ROBO2: variants seen among roughly 807,000 people sequenced by gnomAD.
The protein encoded by ROBO2 is roundabout guidance receptor 2, also known as roundabout homolog 2.
In ROBO2, 53 loss-of-function variants were observed where a neutral mutation model predicts 160.8. The observed-to-expected ratio is 0.33, with a 90% CI of 0.26 to 0.41. The LOEUF (loss-of-function observed/expected upper bound fraction) is 0.41. Ranked by LOEUF, ROBO2 falls within the 10% of genes least tolerant of loss-of-function variation. ROBO2 has a pLI of 1.00. For missense variants in ROBO2, 1,577 were observed against 1,722.4 expected (o/e 0.92, Z 1.49); for synonymous variants, 664 against 611.7 (o/e 1.09, Z -1.26).
At chr3:76,000,532 A>G (rs1244799598) in intron 2 of ROBO2, among the ~76,000 whole-genome samples, 1 of 139,880 alleles carries the variant, frequency 7.1e-6, no homozygotes, top group Non-Finnish European at 1.5e-5. Flanking sequence ...TCTGTCCCCC[A>G]GGCTGGAGTG....
At chr3:77,350,393 A>G (rs1419303340) in intron 2 of ROBO2, among the ~76,000 whole-genome samples, 2 of 151,984 alleles carry the variant, frequency 1.3e-5, no homozygotes, top group Non-Finnish European at 2.9e-5. Flanking sequence ...TTATGTATCA[A>G]TCTCCCTTAC....
intron 2 of ROBO2, among the ~76,000 whole-genome samples, chr3:76,720,981 C>T (rs375777791): frequency 6.6e-6 from 1 of 152,068 alleles, no homozygotes; most frequent in Admixed American, 6.6e-5. Flanking sequence ...TTTTAGTGCA[C>T]GTATATGATT....
At chr3:77,056,590 G>A (rs570729886) in intron 1 of ROBO2, among the ~76,000 whole-genome samples, 1 of 151,998 alleles carries the variant, frequency 6.6e-6, no homozygotes, top group East Asian at 1.9e-4. Context: ...AGAGAACTGA[G>A]CATTTAGGAA....
At chr3:77,077,023 A>C (rs906932081) in intron 1 of ROBO2, among the ~76,000 whole-genome samples, 2 of 152,220 alleles carry the variant, frequency 1.3e-5, no homozygotes, top group African/African-American at 2.4e-5. Context: ...TCCTGAGCTA[A>C]GTCTTAGGCA....
chr3:77,033,249 C>A (rs572269835), intron 2 of ROBO2, among the ~76,000 whole-genome samples: 46 of 152,304 alleles, frequency 3.0e-4, no homozygotes, highest in African/African-American at 1.1e-3. Flanking sequence ...ATTACCCCTT[C>A]TCTTTGCAGA....
intron 2 of ROBO2, among the ~76,000 whole-genome samples, chr3:76,392,330 T>TG (rs2077194742): frequency 6.6e-6 from 1 of 152,180 alleles, no homozygotes; most frequent in African/African-American, 2.4e-5. Flanking sequence ...GGTTTAGAAC[T>TG]TTGTGTTCAT....
Position 76,728,137 on chromosome 3 carries a change from G to T in ROBO2, c.110-369877G>T, listed in dbSNP as rs575534025. On this transcript the variant is annotated intron_variant, in intron 2 of 26. Transcript: ENST00000487694. ...AAAATATTCCTAGTTGTAGGCACGTGCTCTTGCTATAGAAATATAAAATGT... is the reference window on the plus strand; with the variant it reads ...AAAATATTCCTAGTTGTAGGCACGTTCTCTTGCTATAGAAATATAAAATGT... Among the ~76,000 whole-genome samples the T allele has an allele frequency of 5.9e-5, 9 of 151,712 alleles. No individual in the cohort carries two copies. In the South Asian group the frequency reaches 1.9e-3, roughly 32 times the overall value.
At chr3:76,033,969 A>G (rs567913206) in intron 2 of ROBO2, among the ~76,000 whole-genome samples, 1 of 152,336 alleles carries the variant, frequency 6.6e-6, no homozygotes, top group Non-Finnish European at 1.5e-5. Context: ...CAAAAGTCCT[A>G]GAACATAACT....
chr3:76,916,681 C>T (rs893371460), intron 2 of ROBO2, among the ~76,000 whole-genome samples: 10 of 151,722 alleles, frequency 6.6e-5, no homozygotes, highest in Admixed American at 3.3e-4. Flanking sequence ...TCAAGATTGA[C>T]GTTTATATAT....
chr3:76,863,751 T>A (rs1262045814), intron 2 of ROBO2, among the ~76,000 whole-genome samples: 1 of 152,002 alleles, frequency 6.6e-6, no homozygotes, highest in Non-Finnish European at 1.5e-5. Flanking sequence ...AACATGTAAG[T>A]TAATTATTAT....
intron 2 of ROBO2, among the ~76,000 whole-genome samples, chr3:77,253,929 A>G (rs552185981): frequency 7.2e-4 from 109 of 152,338 alleles, no homozygotes; most frequent in Non-Finnish European, 1.2e-3. Context: ...AAAAGGGTAT[A>G]TCTTGGACAT....
chr3:75,990,340 C>A (rs1350461050), intron 2 of ROBO2, among the ~76,000 whole-genome samples: 1 of 152,166 alleles, frequency 6.6e-6, no homozygotes, highest in South Asian at 2.1e-4. Context: ...TGTTTTAGGT[C>A]ACCCTGTCTT....
At chr3:76,496,555 C>T (rs551239596) in intron 2 of ROBO2, among the ~76,000 whole-genome samples, 4 of 152,288 alleles carry the variant, frequency 2.6e-5, no homozygotes, top group Non-Finnish European at 5.9e-5. Context: ...CTCTCATATC[C>T]AGCTGCCTAC....
intron 2 of ROBO2, among the ~76,000 whole-genome samples, chr3:76,764,907 T>A (rs148228657): frequency 7.6e-4 from 115 of 151,860 alleles, no homozygotes; most frequent in African/African-American, 2.6e-3. Context: ...TAATTTTTTT[T>A]AATTTTCATA....
At chr3:76,979,959 A>C (rs1207205852) in intron 2 of ROBO2, among the ~76,000 whole-genome samples, 1 of 152,142 alleles carries the variant, frequency 6.6e-6, no homozygotes, top group Non-Finnish European at 1.5e-5. Context: ...GTTAAAAAAA[A>C]AAAAAATGTC....
chr3:77,575,661 G>T (rs545971987), intron 14 of ROBO2, among the ~76,000 whole-genome samples: 53 of 152,036 alleles, frequency 3.5e-4, no homozygotes, highest in Non-Finnish European at 4.1e-4. Flanking sequence ...CTATTTTTAG[G>T]ATATGTTGAA....
chr3:76,617,180 A>T lies in ROBO2; in HGVS notation c.110-480834A>T, dbSNP rs569196200. On this transcript the variant is annotated intron_variant, in intron 2 of 26. Transcript: ENST00000487694. ...ATACTCTTATCAAGCAGGCTATTCT[A>T]AGGGCTTAGAGATCATCTCCCCGAA... 7.2e-5 allele frequency among the ~76,000 whole-genome samples: 11 copies of T among 152,242 alleles called. No homozygotes were observed. In the South Asian group the frequency reaches 2.3e-3, roughly 32 times the overall value.
intron 20 of ROBO2, among the ~76,000 whole-genome samples, 170 bp downstream of exon 21, chr3:77,602,661 G>GCCACCACCACCA (rs879356392): frequency 5.4e-4 from 69 of 128,330 alleles, no homozygotes; most frequent in Middle Eastern, 3.9e-3. Context: ...CACCACCACC[G>GCCACCACCACCA]CCACCACCAC....
At chr3:76,706,362 G>A (rs1467950190) in intron 2 of ROBO2, among the ~76,000 whole-genome samples, 4 of 152,040 alleles carry the variant, frequency 2.6e-5, no homozygotes, top group South Asian at 2.1e-4. Flanking sequence ...TACCTCATCC[G>A]GAAGGTACAG....
Sources: allele counts gnomAD v4.1 joint callset (sites outside exome capture counted in the v4.1 genomes callset), GRCh38; gene constraint gnomAD v4.1.1; transcripts MANE v1.5; gene names NCBI Gene and HGNC (gene_info 2026-07-23, HGNC 2026-07-21).